PCDH9: variants seen among roughly 807,000 people sequenced by gnomAD.
The protein encoded by PCDH9 is protocadherin 9, also known as protocadherin-9.
In PCDH9, 24 loss-of-function variants were observed where a neutral mutation model predicts 70.6. The observed-to-expected ratio is 0.34, with a 90% CI of 0.25 to 0.48. The LOEUF is 0.48. Among genes scored for constraint, PCDH9 ranks in the 20% least tolerant of loss-of-function variants. The pLI is 0.99. For missense variants in PCDH9, 1,281 were observed against 1,503.6 expected (o/e 0.85, Z 2.45); for synonymous variants, 562 against 558.5 (o/e 1.01, Z -0.09).
chr13:66,487,365 C>A (rs1369939021), intron 4 of PCDH9, among the ~76,000 whole-genome samples: 1 of 152,142 alleles, frequency 6.6e-6, no homozygotes, highest in Non-Finnish European at 1.5e-5. Context: ...GACAAAAGAA[C>A]AATTCCCATT....
chr13:67,168,339 A>G (rs1307423367), intron 2 of PCDH9, among the ~76,000 whole-genome samples: 1 of 152,170 alleles, frequency 6.6e-6, no homozygotes, highest in East Asian at 1.9e-4. Flanking sequence ...AACGTTCATA[A>G]CCATGGGGAA....
chr13:67,025,357 A>C (rs1363582073), intron 2 of PCDH9, among the ~76,000 whole-genome samples: 1 of 152,152 alleles, frequency 6.6e-6, no homozygotes, highest in Non-Finnish European at 1.5e-5. Flanking sequence ...AATGTTCAAG[A>C]AAAATGAATA....
intron 2 of PCDH9, among the ~76,000 whole-genome samples, chr13:67,164,044 C>T (rs1240142168): frequency 1.3e-5 from 2 of 152,098 alleles, no homozygotes; most frequent in East Asian, 3.9e-4. Flanking sequence ...AGTTACCAAT[C>T]CACTCTAACA....
At chr13:66,942,097 T>C (rs1255313141) in intron 2 of PCDH9, among the ~76,000 whole-genome samples, 1 of 151,816 alleles carries the variant, frequency 6.6e-6, no homozygotes, top group Non-Finnish European at 1.5e-5. Context: ...AAATAGATAA[T>C]TAGAAGTTAC....
chr13:66,995,311 G>A (rs953701919), intron 2 of PCDH9, among the ~76,000 whole-genome samples: 1 of 152,136 alleles, frequency 6.6e-6, no homozygotes, highest in African/African-American at 2.4e-5. Context: ...AGGCAAAAGA[G>A]GTGGACAGTG....
Position 66,419,754 on chromosome 13 carries a change from G to A in PCDH9, c.3341-114726C>T, listed in dbSNP as rs549382475. On this transcript the variant is annotated intron_variant, in intron 4 of 4. Coordinates refer to ENST00000377865, the MANE Select transcript of PCDH9 (RefSeq NM_203487.3). ...ATTTGGGCAGACACTGAGCTAGCTA[G>A]CTGCAGGAGTTTTTTTTTTTTTTTT... 3.6e-3 allele frequency among the ~76,000 whole-genome samples: 526 copies of A among 146,750 alleles called. 15 individuals are homozygous for A. In the East Asian group the frequency reaches 0.064, roughly 18 times the overall value.
chr13:66,308,176 G>T (rs968145119), intron 4 of PCDH9, among the ~76,000 whole-genome samples: 1 of 152,008 alleles, frequency 6.6e-6, no homozygotes, highest in Admixed American at 6.6e-5. Flanking sequence ...TAACTTATCA[G>T]ATAGACTTTG....
chr13:67,110,493 G>A (rs531546081), intron 2 of PCDH9, among the ~76,000 whole-genome samples: 5 of 117,188 alleles, frequency 4.3e-5, no homozygotes, highest in East Asian at 2.7e-4. Flanking sequence ...CAGCCTGGGC[G>A]ACAGAGACTC....
intron 2 of PCDH9, among the ~76,000 whole-genome samples, chr13:66,999,640 A>C (rs973907393): frequency 8.6e-5 from 13 of 151,782 alleles, no homozygotes; most frequent in African/African-American, 2.9e-4. Context: ...TTACAAGAAA[A>C]AAACAAACAA....
chr13:67,045,041 A>G (rs1018518873), intron 2 of PCDH9, among the ~76,000 whole-genome samples: 1 of 152,168 alleles, frequency 6.6e-6, no homozygotes, highest in African/African-American at 2.4e-5. Flanking sequence ...GAAATTCACA[A>G]ATTGTTGGGG....
chr13:66,887,617 G>A (rs1331321045), intron 3 of PCDH9, among the ~76,000 whole-genome samples: 15 of 152,164 alleles, frequency 9.9e-5, no homozygotes, highest in Non-Finnish European at 1.0e-4. Flanking sequence ...CTATACGTAA[G>A]CACTAGCTAT....
intron 4 of PCDH9, among the ~76,000 whole-genome samples, chr13:66,570,526 T>C (rs1481975106): frequency 3.3e-5 from 5 of 152,178 alleles, no homozygotes; most frequent in South Asian, 2.1e-4. Flanking sequence ...AATGTTACCA[T>C]TGTGTAAACT....
intron 2 of PCDH9, among the ~76,000 whole-genome samples, chr13:67,047,516 C>A (rs577521878): frequency 6.6e-6 from 1 of 152,112 alleles, no homozygotes; most frequent in African/African-American, 2.4e-5. Flanking sequence ...AATTGACATC[C>A]AGAAGATCCT....
chr13:66,474,778 G>A (rs2138492123), intron 4 of PCDH9, among the ~76,000 whole-genome samples: 1 of 152,144 alleles, frequency 6.6e-6, no homozygotes, highest in Middle Eastern at 3.4e-3. Flanking sequence ...CTTAGGCTGG[G>A]AGTCACTACA....
chr13:66,335,005 A>G (rs111473244), intron 4 of PCDH9, among the ~76,000 whole-genome samples: 1 of 152,116 alleles, frequency 6.6e-6, no homozygotes, highest in Non-Finnish European at 1.5e-5. Context: ...GAAAACATGA[A>G]TCTTGCCCAA....
intron 3 of PCDH9, among the ~76,000 whole-genome samples, chr13:66,690,268 A>T (rs902264078): frequency 6.6e-6 from 1 of 152,184 alleles, no homozygotes; most frequent in Non-Finnish European, 1.5e-5. Context: ...GGTAGGTGAC[A>T]TAAGTTCCTT....
At chr13:66,703,668 G>C (rs1189881917) in intron 3 of PCDH9, among the ~76,000 whole-genome samples, 13 of 152,132 alleles carry the variant, frequency 8.5e-5, no homozygotes, top group Non-Finnish European at 7.4e-5. Flanking sequence ...ATCAAGGTGT[G>C]AGGATGGCTT....
intron 4 of PCDH9, among the ~76,000 whole-genome samples, chr13:66,600,547 G>A (rs2077153153): frequency 1.3e-5 from 2 of 151,812 alleles, no homozygotes; most frequent in South Asian, 2.1e-4. Flanking sequence ...ATAAGTGCAT[G>A]ATTTAATTGC....
chr13:67,224,503 C>T (rs184015702), intron 2 of PCDH9: 1 of 152,282 alleles, frequency 6.6e-6, no homozygotes, highest in African/African-American at 2.4e-5. Flanking sequence ...AATTAGACAG[C>T]GCTGCATTTA....
Sources: gnomAD v4.1 joint callset for allele counts (sites outside exome capture counted in the v4.1 genomes callset) on GRCh38, gnomAD v4.1.1 for gene constraint, MANE v1.5 for transcripts, NCBI Gene and HGNC (gene_info 2026-07-23, HGNC 2026-07-21) for gene names.